The following PPP1R9A variants were observed in gnomAD, a reference collection of about 807,000 sequenced individuals.
PPP1R9A encodes the protein neurabin-1.
In PPP1R9A, 59 loss-of-function variants were observed where a neutral mutation model predicts 141.9. The ratio of observed to expected loss-of-function variants is 0.42; its 90% CI spans 0.34 to 0.52. The LOEUF is 0.52. Among genes scored for constraint, PPP1R9A ranks in the 20% least tolerant of loss-of-function variants. The pLI is 0.10. For synonymous variants in PPP1R9A, 500 were observed against 569.7 expected (o/e 0.88, Z 1.74); for missense variants, 1,444 against 1,611.9 (o/e 0.90, Z 1.78).
intron 8 of PPP1R9A, among the ~76,000 whole-genome samples, chr7:95,237,037 G>T (rs1485720044): frequency 2.6e-5 from 4 of 151,390 alleles, no homozygotes; most frequent in Non-Finnish European, 5.9e-5. Context: ...AATAGCTATT[G>T]TGTAGAATTT....
chr7:95,067,627 G>C (rs981673752), intron 2 of PPP1R9A, among the ~76,000 whole-genome samples: 1 of 152,150 alleles, frequency 6.6e-6, no homozygotes, highest in Non-Finnish European at 1.5e-5. Flanking sequence ...TCATCCCTCA[G>C]TGTCTGTGGG....
chr7:95,025,771 C>T lies in PPP1R9A; in HGVS notation c.1396-85488C>T, dbSNP rs1056378105. On this transcript the variant is annotated intron_variant, in intron 2 of 19. Transcript: ENST00000433360. ...TATTTCTTGGAGGCTTTATTCATTCCTTTTCATTCCTTTTTCTCTAATATT... is the reference window on the plus strand; with the variant it reads ...TATTTCTTGGAGGCTTTATTCATTCTTTTTCATTCCTTTTTCTCTAATATT... Among the ~76,000 whole-genome samples the T allele has an allele frequency of 2.0e-5, 3 of 152,094 alleles. No homozygotes were observed. The East Asian group carries it at 5.8e-4, about 29-fold the overall frequency.
intron 2 of PPP1R9A, chr7:95,098,491 C>G (rs1443447976): frequency 6.6e-6 from 1 of 151,954 alleles, no homozygotes; most frequent in Admixed American, 6.6e-5. Context: ...GTTTGCCCAC[C>G]ACTTTATATC....
intron 10 of PPP1R9A, 73 bp from the exon 11 acceptor site, chr7:95,251,689 G>C: frequency 7.2e-7 from 1 of 1,384,962 alleles, no homozygotes; most frequent in East Asian, 2.4e-5. Context: ...CTACTATGCA[G>C]TTTATTGTTT....
At chr7:95,175,707 A>G (rs1477237022) in intron 5 of PPP1R9A, among the ~76,000 whole-genome samples, 1 of 152,118 alleles carries the variant, frequency 6.6e-6, no homozygotes, top group African/African-American at 2.4e-5. Flanking sequence ...TGTCATTCAC[A>G]TTAAACTTTA....
intron 2 of PPP1R9A, among the ~76,000 whole-genome samples, chr7:94,976,987 G>A (rs529473517): frequency 6.6e-6 from 1 of 152,202 alleles, no homozygotes; most frequent in Admixed American, 6.5e-5. Flanking sequence ...GATCCAACTT[G>A]GCTAACAGAT....
chr7:95,103,379 T>C, intron 2 of PPP1R9A, among the ~76,000 whole-genome samples: 1 of 143,596 alleles, frequency 7.0e-6, no homozygotes, highest in Non-Finnish European at 1.5e-5. Flanking sequence ...TTTTTTTTTT[T>C]TGAGACAGTC....
intron 5 of PPP1R9A, among the ~76,000 whole-genome samples, chr7:95,193,115 T>C (rs143478719): frequency 2.8e-4 from 43 of 152,252 alleles, no homozygotes; most frequent in Admixed American, 1.6e-3. Context: ...GGGACTGTTG[T>C]TTGGTTCCAC....
At chr7:95,032,111 C>CT (rs1366887570) in intron 2 of PPP1R9A, among the ~76,000 whole-genome samples, 1 of 152,112 alleles carries the variant, frequency 6.6e-6, no homozygotes, top group Non-Finnish European at 1.5e-5. Flanking sequence ...TTTGGGGAAA[C>CT]TGAGTCCCAG....
intron 7 of PPP1R9A, among the ~76,000 whole-genome samples, chr7:95,218,967 CA>C (rs1159222050): frequency 6.6e-6 from 1 of 152,114 alleles, no homozygotes; most frequent in African/African-American, 2.4e-5. Context: ...AGCCCATTTA[CA>C]TTTAAGGTTA....
chr7:95,010,277 AC>A (rs1449230574), intron 2 of PPP1R9A, among the ~76,000 whole-genome samples: 1 of 152,038 alleles, frequency 6.6e-6, no homozygotes, highest in Non-Finnish European at 1.5e-5. Flanking sequence ...GGTGGCACAC[AC>A]CTGTAGTCCT....
chr7:95,118,899 C>T (rs1164857882), intron 3 of PPP1R9A, among the ~76,000 whole-genome samples: 2 of 150,364 alleles, frequency 1.3e-5, no homozygotes, highest in East Asian at 3.9e-4. Context: ...GGAGGATCAC[C>T]AGAACCCAGG....
At chr7:95,176,199 A>G (rs1376850613) in intron 5 of PPP1R9A, among the ~76,000 whole-genome samples, 1 of 152,134 alleles carries the variant, frequency 6.6e-6, no homozygotes, top group Non-Finnish European at 1.5e-5. Flanking sequence ...CACAACCCCC[A>G]GTACCAGCCC....
intron 8 of PPP1R9A, among the ~76,000 whole-genome samples, chr7:95,230,953 A>G (rs1228733104): frequency 1.3e-5 from 2 of 152,180 alleles, no homozygotes; most frequent in East Asian, 3.9e-4. Context: ...CACCTAAAAG[A>G]TACAGAATGG....
At chr7:94,944,295 TCCC>T (rs1038078182) in intron 2 of PPP1R9A, among the ~76,000 whole-genome samples, 1 of 152,090 alleles carries the variant, frequency 6.6e-6, no homozygotes, top group African/African-American at 2.4e-5. Context: ...CTAACACATA[TCCC>T]CTTTGATCAC....
chr7:94,916,766 C>T (rs1792124577), intron 2 of PPP1R9A, among the ~76,000 whole-genome samples: 1 of 152,030 alleles, frequency 6.6e-6, no homozygotes, highest in Admixed American at 6.6e-5. Context: ...TATGATTTAA[C>T]TTGCTTTTCT....
chr7:94,958,245 C>A (rs909881663), intron 2 of PPP1R9A, among the ~76,000 whole-genome samples: 3 of 152,014 alleles, frequency 2.0e-5, no homozygotes. Flanking sequence ...AATATCACTT[C>A]CTTGGAGACC....
At chr7:95,139,959 T>C (rs1258069227) in intron 4 of PPP1R9A, among the ~76,000 whole-genome samples, 3 of 152,098 alleles carry the variant, frequency 2.0e-5, no homozygotes, top group Admixed American at 2.0e-4. Context: ...AAAGCAAATC[T>C]CTAATACTAC....
At chr7:95,288,254 G>C (rs934156760) in intron 18 of PPP1R9A, among the ~76,000 whole-genome samples, 3 of 152,154 alleles carry the variant, frequency 2.0e-5, no homozygotes, top group African/African-American at 7.2e-5. Flanking sequence ...TGTCCAGACT[G>C]TTTTGATGTA....
Sources: gnomAD v4.1 joint callset for allele counts (sites outside exome capture counted in the v4.1 genomes callset) on GRCh38, gnomAD v4.1.1 for gene constraint, MANE v1.5 for transcripts, NCBI Gene and HGNC (gene_info 2026-07-23, HGNC 2026-07-21) for gene names.